The following LARGE1 variants were observed in gnomAD, a reference collection of about 807,000 sequenced individuals.
LARGE1 encodes LARGE xylosyl- and glucuronyltransferase 1.
A neutral mutation model predicts 87.6 loss-of-function variants in LARGE1; 43 were observed. The ratio of observed to expected loss-of-function variants is 0.49; its 90% CI spans 0.38 to 0.63. LARGE1 has a LOEUF of 0.63. Among genes scored for constraint, LARGE1 ranks in the 30% least tolerant of loss-of-function variants. The pLI, the probability that LARGE1 is intolerant of heterozygous loss-of-function variation, is 0.00. For synonymous variants in LARGE1, 434 were observed against 394.6 expected, an observed-to-expected ratio of 1.10 and a Z score of -1.18; for missense variants, 802 against 1,000.2, an observed-to-expected ratio of 0.80 and a Z score of 2.67.
At chr22:33,305,315 C>T (rs1934727951) in intron 11 of LARGE1, among the ~76,000 whole-genome samples, 1 of 144,378 alleles carries the variant, frequency 6.9e-6, no homozygotes, top group African/African-American at 2.6e-5. Context: ...CTCAGAGATG[C>T]TGAGCCAGGG....
At chr22:33,174,684 C>A (rs1218556504) in intron 11 of LARGE1, among the ~76,000 whole-genome samples, 2 of 152,142 alleles carry the variant, frequency 1.3e-5, no homozygotes, top group Non-Finnish European at 2.9e-5. Flanking sequence ...CATAGAAATG[C>A]AAACTACCAT....
chr22:33,718,440 A>G (rs2082976803), intron 2 of LARGE1, among the ~76,000 whole-genome samples: 1 of 152,246 alleles, frequency 6.6e-6, no homozygotes, highest in Non-Finnish European at 1.5e-5. Flanking sequence ...TTTTAGAGGA[A>G]ATCTGTTCAT....
At chr22:33,459,506 T>C (rs546036859) in intron 6 of LARGE1, among the ~76,000 whole-genome samples, 2 of 150,840 alleles carry the variant, frequency 1.3e-5, no homozygotes, top group East Asian at 1.9e-4. Context: ...GAAATAATGG[T>C]ATCCAACCTT....
chr22:33,650,333 A>G (rs1238111108), intron 3 of LARGE1, 34 bp downstream of exon 3: 1 of 1,613,244 alleles, frequency 6.2e-7, no homozygotes, highest in South Asian at 1.1e-5. Flanking sequence ...GGGACTTTGG[A>G]CAACTTCCTC....
chr22:33,235,475 G>A (rs980348777), intron 11 of LARGE1, among the ~76,000 whole-genome samples: 3 of 151,940 alleles, frequency 2.0e-5, no homozygotes, highest in Non-Finnish European at 2.9e-5. Context: ...CTTGGTGCAC[G>A]TAACAAACAA....
At chr22:33,530,376 C>T (rs898852621) in intron 6 of LARGE1, among the ~76,000 whole-genome samples, 1 of 151,730 alleles carries the variant, frequency 6.6e-6, no homozygotes, top group Non-Finnish European at 1.5e-5. Context: ...ATATAAATAA[C>T]ATCTGGCCCA....
intron 6 of LARGE1, among the ~76,000 whole-genome samples, chr22:33,474,375 C>G (rs1027268505): frequency 6.6e-6 from 1 of 152,164 alleles, no homozygotes; most frequent in African/African-American, 2.4e-5. Flanking sequence ...TTTGGTCAGG[C>G]TGGTCTCGAA....
intron 2 of LARGE1, among the ~76,000 whole-genome samples, chr22:33,751,560 G>C (rs5999088): frequency 0.3 from 46,161 of 151,768 alleles, 9,378 homozygotes; most frequent in African/African-American, 0.59. Flanking sequence ...CTTCCTTGGG[G>C]CCTGCCCCAG....
chr22:33,692,516 G>T (rs1172003169), intron 2 of LARGE1, among the ~76,000 whole-genome samples: 3 of 152,144 alleles, frequency 2.0e-5, no homozygotes, highest in African/African-American at 7.2e-5. Flanking sequence ...TCACCATGTT[G>T]GCCAGGCTGG....
At chr22:33,121,208 A>G in the LARGE1 span, among the ~76,000 whole-genome samples, 39 of 152,270 alleles carry the variant, frequency 2.6e-4, no homozygotes, top group Middle Eastern at 3.4e-3. Flanking sequence ...CCAACAGAGC[A>G]GTGGTGGGCA....
rs552798122 is a variant in LARGE1, at chr22:33,815,795, C to T, written c.-82-54237G>A. Among the ~76,000 whole-genome samples the T allele has an allele frequency of 5.3e-5, 8 of 152,290 alleles. No individual in the cohort carries two copies. The South Asian group carries it at 1.0e-3, about 20-fold the overall frequency. On this transcript the variant is annotated intron_variant, in intron 1 of 14. Coordinates refer to ENST00000397394, the MANE Select transcript of LARGE1 (RefSeq NM_133642.5). ...ATTCACATCCATGCAGACGGCTCAGCAGAGCCCTGTGAGTGTGCAGTCTCA... is the reference window on the plus strand; with the variant it reads ...ATTCACATCCATGCAGACGGCTCAGTAGAGCCCTGTGAGTGTGCAGTCTCA...
chr22:33,415,273 T>C (rs2066444750), intron 7 of LARGE1, among the ~76,000 whole-genome samples: 1 of 152,188 alleles, frequency 6.6e-6, no homozygotes. Context: ...TGTGATGTAA[T>C]TAGCAAAGAG....
At chr22:33,761,038 C>G (rs936908306) in intron 2 of LARGE1, among the ~76,000 whole-genome samples, 7 of 152,134 alleles carry the variant, frequency 4.6e-5, no homozygotes, top group African/African-American at 1.7e-4. Flanking sequence ...GATGGACCAA[C>G]TCTTGAAACA....
At chr22:33,256,405 C>G (rs751726887) in intron 11 of LARGE1, among the ~76,000 whole-genome samples, 8 of 152,202 alleles carry the variant, frequency 5.3e-5, no homozygotes, top group African/African-American at 1.9e-4. Flanking sequence ...ACTTAAACCT[C>G]CCGCTCTGCC....
At chr22:33,798,483 C>T (rs1035167919) in intron 1 of LARGE1, among the ~76,000 whole-genome samples, 2 of 152,156 alleles carry the variant, frequency 1.3e-5, no homozygotes, top group Admixed American at 6.5e-5. Context: ...GGGATCCCGA[C>T]GGCTTGAAAG....
At chr22:33,529,499 C>T (rs561181981) in intron 6 of LARGE1, among the ~76,000 whole-genome samples, 1 of 152,216 alleles carries the variant, frequency 6.6e-6, no homozygotes, top group Non-Finnish European at 1.5e-5. Context: ...GCAGCCCCAA[C>T]GTGCCTAGCT....
chr22:33,175,117 C>CA (rs1922793405), intron 11 of LARGE1, among the ~76,000 whole-genome samples: 1 of 152,164 alleles, frequency 6.6e-6, no homozygotes, highest in Non-Finnish European at 1.5e-5. Flanking sequence ...AGCAGCACAT[C>CA]AAAAAGCTAA....
At chr22:33,611,019 C>T (rs2079412643) in intron 4 of LARGE1, among the ~76,000 whole-genome samples, 1 of 152,238 alleles carries the variant, frequency 6.6e-6, no homozygotes, top group Non-Finnish European at 1.5e-5. Flanking sequence ...GGAGGCTTGA[C>T]AGCCTCTACC....
chr22:33,843,216 T>C (rs2063331647), intron 1 of LARGE1, among the ~76,000 whole-genome samples: 1 of 152,146 alleles, frequency 6.6e-6, no homozygotes, highest in African/African-American at 2.4e-5. Context: ...TTGTTCAGTA[T>C]ACTGCAGTGG....
Sources: allele counts gnomAD v4.1 joint callset (sites outside exome capture counted in the v4.1 genomes callset), GRCh38; gene constraint gnomAD v4.1.1; transcripts MANE v1.5; gene names NCBI Gene and HGNC (gene_info 2026-07-23, HGNC 2026-07-21).